Variants in PAMR1 observed in about 807,000 individuals in gnomAD.
PAMR1 encodes peptidase domain containing associated with muscle regeneration 1.
Under a neutral mutation model 81.8 loss-of-function variants are expected in PAMR1, and 88 were observed. The observed-to-expected ratio is 1.08, with a 90% CI of 0.91 to 1.28. The LOEUF is 1.28. PAMR1 is among the 50% of genes most tolerant of loss of function. The pLI, the probability that PAMR1 is intolerant of heterozygous loss-of-function variation, is 0.00. For synonymous variants in PAMR1, 336 were observed against 345.3 expected (o/e 0.97, Z 0.30); for missense variants, 935 against 919.7 (o/e 1.02, Z -0.21).
chr11:35,488,149 C>T (rs1429117809), intron 3 of PAMR1, among the ~76,000 whole-genome samples: 6 of 150,682 alleles, frequency 4.0e-5, no homozygotes, highest in African/African-American at 1.2e-4. Context: ...ATCTCTCCTA[C>T]TGACACTTTA....
chr11:35,494,733 C>T (rs868440008), intron 1 of PAMR1, among the ~76,000 whole-genome samples: 1 of 152,330 alleles, frequency 6.6e-6, no homozygotes, highest in African/African-American at 2.4e-5. Flanking sequence ...CATGTGAATT[C>T]TTCCCAGGCC....
chr11:35,434,595 T>C lies in PAMR1; in HGVS notation c.1543A>G (p.Ile515Val). The change falls in exon 10 of 11, where the codon ATC becomes GTC. Residue 515 changes from isoleucine to valine, a missense_variant. Ile to Val is a conservative substitution (Grantham distance 29, BLOSUM62 3). Coordinates refer to ENST00000619888, the MANE Select transcript of PAMR1 (RefSeq NM_001001991.3). ...ACAACTTTCAGGTCTGCTGTCTTGA[T>C]CATGGTGACCTTCCCCAGGTCAGTA... ...CVTDLGKVTM[I>V]KTADLKVVLG... The C allele has an allele frequency of 1.2e-6, 2 of 1,614,040 alleles. No individual in the cohort carries two copies. Among genetic ancestry groups the C allele is most frequent in the Admixed American group, 1.7e-5 (1 of 59,990 alleles).
intron 1 of PAMR1, among the ~76,000 whole-genome samples, chr11:35,511,673 A>T (rs1422067723): frequency 6.6e-6 from 1 of 152,148 alleles, no homozygotes; most frequent in Non-Finnish European, 1.5e-5. Context: ...CCAGAGGGAG[A>T]AAAAAGGACA....
intron 6 of PAMR1, among the ~76,000 whole-genome samples, chr11:35,456,244 A>C (rs549691248): frequency 6.6e-6 from 1 of 152,314 alleles, no homozygotes; most frequent in South Asian, 2.1e-4. Context: ...TGAATACAGT[A>C]AAGGTAACCA....
chr11:35,481,399 T>C (rs1304238930), intron 3 of PAMR1, among the ~76,000 whole-genome samples: 1 of 152,248 alleles, frequency 6.6e-6, no homozygotes, highest in African/African-American at 2.4e-5. Flanking sequence ...ATCACCATTC[T>C]GACTGGCATG....
At chr11:35,453,019 G>A (rs1469396048) in intron 6 of PAMR1, among the ~76,000 whole-genome samples, 1 of 152,152 alleles carries the variant, frequency 6.6e-6, no homozygotes, top group South Asian at 2.1e-4. Context: ...GTGGGTGGAA[G>A]GGATAAAGGG....
At chr11:35,476,132 C>T (rs926215320) in intron 3 of PAMR1, among the ~76,000 whole-genome samples, 2 of 152,208 alleles carry the variant, frequency 1.3e-5, no homozygotes, top group Non-Finnish European at 2.9e-5. Flanking sequence ...CTAGGTCATA[C>T]AATCTATCTC....
intron 3 of PAMR1, among the ~76,000 whole-genome samples, chr11:35,487,400 C>G (rs1388238545): frequency 6.6e-6 from 1 of 152,128 alleles, no homozygotes; most frequent in Non-Finnish European, 1.5e-5. Context: ...TTTCTGATTT[C>G]ATGTCCTTCC....
chr11:35,447,721 G>A (rs576767318), intron 6 of PAMR1, among the ~76,000 whole-genome samples: 2 of 152,302 alleles, frequency 1.3e-5, no homozygotes, highest in African/African-American at 4.8e-5. Context: ...ACTTGTTAAT[G>A]TAGTTGTTTC....
rs566967832 is a variant in PAMR1, at chr11:35,511,851, C to T, written c.73+13662G>A. Among the ~76,000 whole-genome samples, 71 of 152,238 alleles carry T rather than the reference C, an allele frequency of 4.7e-4. 1 individual carries two copies. The South Asian group carries it at 0.013, about 27-fold the overall frequency. On this transcript the variant is annotated intron_variant, in intron 1 of 10. Coordinates refer to ENST00000619888, the MANE Select transcript of PAMR1 (RefSeq NM_001001991.3). ...ACCGGCTCCATGGGGCTGATGACAC[C>T]GACAAGGCCAAGCAGGAATGATGAG...
At chr11:35,512,657 T>C (rs1851094353) in intron 1 of PAMR1, among the ~76,000 whole-genome samples, 2 of 152,162 alleles carry the variant, frequency 1.3e-5, no homozygotes, top group African/African-American at 4.8e-5. Context: ...GTAATAATAG[T>C]ACTTCTTCAT....
At chr11:35,433,821 G>GGGATGGAT (rs377245331) in intron 10 of PAMR1, among the ~76,000 whole-genome samples, 24,156 of 149,398 alleles carry the variant, frequency 0.16, 2,286 homozygotes, top group African/African-American at 0.26. Flanking sequence ...GAGGGATGGA[G>GGGATGGAT]GGATGGATGG....
intron 3 of PAMR1, among the ~76,000 whole-genome samples, chr11:35,491,629 T>C (rs1405721777): frequency 6.6e-6 from 1 of 152,170 alleles, no homozygotes; most frequent in Non-Finnish European, 1.5e-5. Context: ...AAAGGCATGC[T>C]AGCAATTTGC....
chr11:35,439,338 A>G (rs1260851217), intron 8 of PAMR1, among the ~76,000 whole-genome samples: 1 of 152,196 alleles, frequency 6.6e-6, no homozygotes, highest in Non-Finnish European at 1.5e-5. Context: ...TCAAGGATTC[A>G]AGTCCATTTT....
chr11:35,437,628 G>T (rs946485412), intron 8 of PAMR1, among the ~76,000 whole-genome samples: 1 of 152,262 alleles, frequency 6.6e-6, no homozygotes, highest in Non-Finnish European at 1.5e-5. Flanking sequence ...CACTTCAGCT[G>T]CCTGTCTTCC....
At chr11:35,524,616 G>A (rs139822211) in intron 1 of PAMR1, among the ~76,000 whole-genome samples, 13 of 152,136 alleles carry the variant, frequency 8.5e-5, no homozygotes, top group South Asian at 2.1e-4. Context: ...GAGCTGCCCC[G>A]TTTGGTCATT....
At chr11:35,439,098 C>A (rs980284514) in intron 8 of PAMR1, among the ~76,000 whole-genome samples, 2 of 152,144 alleles carry the variant, frequency 1.3e-5, no homozygotes, top group Non-Finnish European at 2.9e-5. Context: ...TCCCTCCCCA[C>A]CAGGTGGACC....
In PAMR1 at chr11:35,441,128, A is replaced by G. The variant is rs183393719; in HGVS notation, c.1033+353T>C. On this transcript the variant is annotated intron_variant, in intron 7 of 10. Transcript: ENST00000619888. The stretch of plus-strand genomic sequence containing the variant: ...TTCTCACATCAACTTAATATTGCAT[A>G]GAAAGTAGATAAGTGGAGCTATGTA... Among the ~76,000 whole-genome samples, 513 of 152,342 alleles carry G rather than the reference A, an allele frequency of 3.4e-3. 2 individuals are homozygous for G. The highest frequency in any genetic ancestry group is 6.4e-3 in the Non-Finnish European group (433 of 68,034).
chr11:35,494,576 A>C (rs911348894), intron 1 of PAMR1, among the ~76,000 whole-genome samples: 1 of 151,664 alleles, frequency 6.6e-6, no homozygotes, highest in Non-Finnish European at 1.5e-5. Flanking sequence ...CTCGTGATCC[A>C]CCCGCCTCCG....
Sources: gnomAD v4.1 joint callset for allele counts (sites outside exome capture counted in the v4.1 genomes callset) on GRCh38, gnomAD v4.1.1 for gene constraint, MANE v1.5 for transcripts, NCBI Gene and HGNC (gene_info 2026-07-23, HGNC 2026-07-21) for gene names.